Variants in ESRRG observed in about 807,000 individuals in gnomAD.
ESRRG encodes the protein estrogen-related receptor gamma.
A neutral mutation model predicts 44.0 loss-of-function variants in ESRRG; 13 were observed. That is an observed-to-expected ratio of 0.30 (90% CI 0.19 to 0.47). The LOEUF is 0.47. Ranked by LOEUF, ESRRG falls within the 20% of genes least tolerant of loss-of-function variation. ESRRG has a pLI of 1.00. For synonymous variants in ESRRG, 215 were observed against 214.6 expected, an observed-to-expected ratio of 1.00 and a Z score of -0.02; for missense variants, 395 against 580.6, an observed-to-expected ratio of 0.68 and a Z score of 3.29.
At chr1:216,743,606 A>G (rs1222728877) in intron 2 of ESRRG, among the ~76,000 whole-genome samples, 7 of 152,194 alleles carry the variant, frequency 4.6e-5, no homozygotes, top group Non-Finnish European at 7.3e-5. Flanking sequence ...TTTTCTAGCA[A>G]GCTGTTAGCC....
intron 2 of ESRRG, among the ~76,000 whole-genome samples, chr1:216,749,270 TC>T (rs1337674406): frequency 1.3e-5 from 2 of 151,984 alleles, no homozygotes; most frequent in Non-Finnish European, 2.9e-5. Flanking sequence ...TGACCAATGC[TC>T]CCCATGGTTT....
intron 1 of ESRRG, among the ~76,000 whole-genome samples, chr1:216,692,427 GA>G (rs1332254200): frequency 3.3e-5 from 5 of 151,408 alleles, no homozygotes; most frequent in African/African-American, 1.2e-4. Context: ...AGAATATTAA[GA>G]AAAAAAGTAC....
intron 1 of ESRRG, among the ~76,000 whole-genome samples, chr1:217,005,389 G>T (rs886358771): frequency 6.6e-6 from 1 of 152,096 alleles, no homozygotes; most frequent in African/African-American, 2.4e-5. Context: ...GCGCTAAAAT[G>T]ATTGGAGGTT....
In ESRRG at chr1:217,082,349, T is replaced by C. The variant is rs553966126; in HGVS notation, c.-106+7158A>G. 2.6e-5 allele frequency among the ~76,000 whole-genome samples: 4 copies of C among 152,350 alleles called. No individual in the cohort carries two copies. In the East Asian group the frequency reaches 7.7e-4, roughly 29 times the overall value. On this transcript the variant is annotated intron_variant, in intron 1 of 7. Transcript: ENST00000359162. ...ACTTTACCATTTATAAGCACTTTTA[T>C]AGCCAAGAGTCTGACTCAACTCTCA... is the stretch of plus-strand genomic sequence containing the variant.
At chr1:217,102,484 A>T (rs182028152) in intron 1 of ESRRG, among the ~76,000 whole-genome samples, 1 of 152,202 alleles carries the variant, frequency 6.6e-6, no homozygotes, top group Non-Finnish European at 1.5e-5. Context: ...GTAGTGTATG[A>T]GTTGCCACTT....
In ESRRG at chr1:216,591,949, T is replaced by C. The variant is rs543853400; in HGVS notation, c.590-23851A>G. Among the ~76,000 whole-genome samples, 58 of 152,212 alleles carry C rather than the reference T, an allele frequency of 3.8e-4. 1 individual carries two copies. The South Asian group carries it at 0.011, about 28-fold the overall frequency. ...CTCCAAGGGGGAAAGAGCAACTTTA[T>C]AGTGGAAAAGCCTGGTAGATACCCC... On this transcript the variant is annotated intron_variant, in intron 3 of 6. Coordinates refer to ENST00000408911, the MANE Select transcript of ESRRG (RefSeq NM_001438.4).
chr1:216,709,237 A>G (rs1472262842), intron 1 of ESRRG, among the ~76,000 whole-genome samples: 1 of 152,002 alleles, frequency 6.6e-6, no homozygotes, highest in African/African-American at 2.4e-5. Context: ...AATCAGTGTA[A>G]TGACAATACA....
chr1:216,945,911 AC>A (rs1307956904), intron 1 of ESRRG, among the ~76,000 whole-genome samples: 1 of 152,124 alleles, frequency 6.6e-6, no homozygotes, highest in Non-Finnish European at 1.5e-5. Flanking sequence ...TTTTTGGCAG[AC>A]CACAGTTAAG....
intron 3 of ESRRG, among the ~76,000 whole-genome samples, chr1:216,623,741 A>C (rs1165766322): frequency 6.6e-6 from 1 of 152,224 alleles, no homozygotes; most frequent in Non-Finnish European, 1.5e-5. Context: ...AAAGTTAATA[A>C]TAACTAAATA....
At chr1:216,875,820 T>G (rs2096342870) in intron 2 of ESRRG, among the ~76,000 whole-genome samples, 1 of 152,172 alleles carries the variant, frequency 6.6e-6, no homozygotes, top group South Asian at 2.1e-4. Flanking sequence ...TGTACAGCAT[T>G]AGTACATACT....
chr1:216,945,634 G>C (rs911065219), intron 1 of ESRRG, among the ~76,000 whole-genome samples: 1 of 152,196 alleles, frequency 6.6e-6, no homozygotes, highest in African/African-American at 2.4e-5. Context: ...TTGATGTACT[G>C]TCTTCATTTA....
chr1:216,610,209 CTT>C lies in ESRRG; in HGVS notation c.589+40762_589+40763del, dbSNP rs77574879. Among the ~76,000 whole-genome samples, 166 of 140,118 alleles carry C rather than the reference CTT, an allele frequency of 1.2e-3. 1 individual carries two copies. The East Asian group carries it at 0.02, about 17-fold the overall frequency. The allele number at this position is 140,118 out of a possible 152,430, so 91.9% of individuals were successfully genotyped here. Reference sequence around the variant, plus strand: ...GTGGATAATTGTACAAAATTCAGTGCTTTTTTTTTTTTTTTGCTCCAGTTCCA... The same window carrying C: ...GTGGATAATTGTACAAAATTCAGTGCTTTTTTTTTTTTTGCTCCAGTTCCA... On this transcript the variant is annotated intron_variant, in intron 3 of 6. Coordinates refer to ENST00000408911, the MANE Select transcript of ESRRG (RefSeq NM_001438.4).
At position 216,506,786 on chromosome 1, in the gene ESRRG, C is replaced by A. The variant is rs2041309519; in HGVS notation, c.*153G>T. On this transcript the variant is annotated 3_prime_UTR_variant, in exon 7 of 7. Transcript: ENST00000408911. ...ACTCATCAGGAACCTATGGAGGAAT[C>A]TGAAAGCTGCTTCATAGTCTTGCTG... The A allele has an allele frequency of 3.8e-6, 3 of 789,090 alleles. No homozygotes were observed. The highest frequency in any genetic ancestry group is 6.1e-6 in the Non-Finnish European group (3 of 490,680). 48.9% of individuals were successfully genotyped at this position (789,090 alleles called of 1,614,324 possible). A position where few individuals can be genotyped will look rare whatever the true frequency, so the allele number is the denominator to read the frequency against.
chr1:216,733,766 G>A (rs1004041789), intron 2 of ESRRG, among the ~76,000 whole-genome samples: 27 of 152,014 alleles, frequency 1.8e-4, no homozygotes, highest in African/African-American at 6.0e-4. Flanking sequence ...TGAGGGGGGC[G>A]GATCACCTGA....
intron 1 of ESRRG, among the ~76,000 whole-genome samples, chr1:217,082,191 C>T (rs1349680433): frequency 6.6e-6 from 1 of 152,182 alleles, no homozygotes; most frequent in Non-Finnish European, 1.5e-5. Context: ...AATGCTTGTT[C>T]TACAGTAGAC....
At chr1:217,059,341 C>T (rs1369822996) in intron 1 of ESRRG, among the ~76,000 whole-genome samples, 1 of 151,846 alleles carries the variant, frequency 6.6e-6, no homozygotes, top group African/African-American at 2.4e-5. Flanking sequence ...TTATAAGTCT[C>T]CCCAATTCTA....
intron 2 of ESRRG, among the ~76,000 whole-genome samples, chr1:216,773,806 T>A (rs1225181179): frequency 6.6e-6 from 1 of 152,106 alleles, no homozygotes; most frequent in Admixed American, 6.6e-5. Context: ...CATGCACTTT[T>A]AGAAATGAGA....
At chr1:216,719,622 CAA>C (rs551305625) in intron 1 of ESRRG, among the ~76,000 whole-genome samples, 212 of 151,512 alleles carry the variant, frequency 1.4e-3, no homozygotes, top group African/African-American at 5.0e-3. Flanking sequence ...ATAAAATGAC[CAA>C]TATATATTAC....
At chr1:216,819,944 C>T (rs1174915140) in intron 2 of ESRRG, among the ~76,000 whole-genome samples, 1 of 152,072 alleles carries the variant, frequency 6.6e-6, no homozygotes, top group Non-Finnish European at 1.5e-5. Context: ...ATAAAAATTC[C>T]CATTATTGCC....
Sources: gnomAD v4.1 joint callset for allele counts (sites outside exome capture counted in the v4.1 genomes callset) on GRCh38, gnomAD v4.1.1 for gene constraint, MANE v1.5 for transcripts, NCBI Gene and HGNC (gene_info 2026-07-23, HGNC 2026-07-21) for gene names.